Variants in ZNF536 observed in about 807,000 individuals in gnomAD.
ZNF536 encodes zinc finger protein 536.
Under a neutral mutation model 84.5 loss-of-function variants are expected in ZNF536, and 13 were observed. The ratio of observed to expected loss-of-function variants is 0.15; its 90% confidence interval spans 0.10 to 0.24. The LOEUF is 0.24. Among genes scored for constraint, ZNF536 ranks in the 10% least tolerant of loss-of-function variants. The pLI is 1.00. For missense variants in ZNF536, 1,536 were observed against 1,747.5 expected (o/e 0.88, Z 2.16); for synonymous variants, 811 against 742.5 (o/e 1.09, Z -1.50).
chr19:30,363,895 C>A (rs2146920668), intron 3 of ZNF536, among the ~76,000 whole-genome samples: 1 of 152,124 alleles, frequency 6.6e-6, no homozygotes, highest in East Asian at 1.9e-4. Flanking sequence ...TTGCAGAAGG[C>A]AGGGGTTTGT....
At position 30,470,586 on chromosome 19, in the gene ZNF536, C is replaced by G. The variant is rs115989899; in HGVS notation, c.2170+24854C>G. Reference sequence around the variant, plus strand: ...TATGCCTCCGACCCCACACCTCCCCCACTAATGGACAACCTGTGATAGTTT... The same window carrying G: ...TATGCCTCCGACCCCACACCTCCCCGACTAATGGACAACCTGTGATAGTTT... On this transcript the variant is annotated intron_variant, in intron 2 of 4. Transcript: ENST00000355537. Among the ~76,000 whole-genome samples the G allele has an allele frequency of 3.3e-5, 5 of 152,124 alleles. No individual in the cohort carries two copies. In the East Asian group the frequency reaches 5.8e-4, roughly 18 times the overall value.
chr19:30,620,289 G>A (rs2048437185), intron 1 of ZNF536, among the ~76,000 whole-genome samples: 3 of 151,940 alleles, frequency 2.0e-5, no homozygotes, highest in Non-Finnish European at 2.9e-5. Flanking sequence ...TAAAATAAAG[G>A]TTCTGGGTCT....
At chr19:30,350,058 T>C (rs1194199793) in intron 2 of ZNF536, among the ~76,000 whole-genome samples, 1 of 152,154 alleles carries the variant, frequency 6.6e-6, no homozygotes, top group East Asian at 1.9e-4. Flanking sequence ...GGTATATCAT[T>C]AGAAAGTCTG....
At chr19:30,627,166 C>T (rs575829114) in intron 1 of ZNF536, among the ~76,000 whole-genome samples, 35 of 152,086 alleles carry the variant, frequency 2.3e-4, no homozygotes, top group Admixed American at 8.5e-4. Flanking sequence ...TAGGTACCAA[C>T]GGAGGACATG....
chr19:30,369,085 G>A (rs1012785508), upstream of ZNF536, among the ~76,000 whole-genome samples: 23 of 152,254 alleles, frequency 1.5e-4, no homozygotes, highest in African/African-American at 5.3e-4. Context: ...ACACTACCTT[G>A]CTTGCCTTTG....
At chr19:30,335,961 A>G (rs1021772733) in intron 2 of ZNF536, among the ~76,000 whole-genome samples, 1 of 152,048 alleles carries the variant, frequency 6.6e-6, no homozygotes, top group African/African-American at 2.4e-5. Context: ...GTAACCTCCC[A>G]TTCCTCAGAT....
intron 2 of ZNF536, among the ~76,000 whole-genome samples, chr19:30,307,152 A>G (rs943011802): frequency 6.6e-6 from 1 of 151,992 alleles, no homozygotes; most frequent in Admixed American, 6.6e-5. Flanking sequence ...ATGAATTTGG[A>G]TTTGGGTTTC....
At chr19:30,369,091 C>T (rs2048530170), upstream of ZNF536, among the ~76,000 whole-genome samples, 1 of 152,192 alleles carries the variant, frequency 6.6e-6, no homozygotes, top group South Asian at 2.1e-4. Context: ...CCTTGCTTGC[C>T]TTTGCTCTTT....
intron 1 of ZNF536, among the ~76,000 whole-genome samples, chr19:30,659,101 A>G (rs2050023147): frequency 1.3e-5 from 2 of 152,118 alleles, no homozygotes; most frequent in Admixed American, 6.6e-5. Flanking sequence ...GCTGGTGGTG[A>G]TGCAGTGTAT....
chr19:30,446,377 A>C (rs2052348110), intron 2 of ZNF536, among the ~76,000 whole-genome samples: 1 of 150,880 alleles, frequency 6.6e-6, no homozygotes, highest in African/African-American at 2.4e-5. Flanking sequence ...GTCCAACCCC[A>C]TTTCACCGCC....
chr19:30,355,542 C>T (rs907521378), intron 3 of ZNF536, among the ~76,000 whole-genome samples: 16 of 151,974 alleles, frequency 1.1e-4, no homozygotes, highest in Admixed American at 2.6e-4. Context: ...TGCCTCCCAC[C>T]GTGCCTCGCT....
chr19:30,677,573 G>A (rs1415866539), intron 1 of ZNF536, among the ~76,000 whole-genome samples: 1 of 152,338 alleles, frequency 6.6e-6, no homozygotes, highest in Non-Finnish European at 1.5e-5. Flanking sequence ...AATGTCCCCC[G>A]GGGACACAGG....
At chr19:30,406,521 A>G (rs530327123) in intron 1 of ZNF536, among the ~76,000 whole-genome samples, 19 of 152,358 alleles carry the variant, frequency 1.2e-4, no homozygotes, top group African/African-American at 4.6e-4. Context: ...TTGTAGGGCT[A>G]TAAATACCTG....
At chr19:30,367,710 G>A (rs184657055), upstream of ZNF536, among the ~76,000 whole-genome samples, 75 of 152,330 alleles carry the variant, frequency 4.9e-4, no homozygotes, top group Admixed American at 2.0e-3. Flanking sequence ...TGACAGCAGC[G>A]CAGTGAGACA....
chr19:30,299,353 A>G (rs984849660), intron 2 of ZNF536, among the ~76,000 whole-genome samples: 2 of 152,214 alleles, frequency 1.3e-5, no homozygotes, highest in South Asian at 2.1e-4. Context: ...TTATATTCAC[A>G]TCTACCATCA....
At chr19:30,675,119 T>C (rs1027066485) in intron 1 of ZNF536, among the ~76,000 whole-genome samples, 1 of 152,170 alleles carries the variant, frequency 6.6e-6, no homozygotes, top group African/African-American at 2.4e-5. Context: ...TAGCTATCTA[T>C]AGGACAGTGC....
At chr19:30,690,404 GT>G (rs2051361242) in intron 1 of ZNF536, among the ~76,000 whole-genome samples, 1 of 152,190 alleles carries the variant, frequency 6.6e-6, no homozygotes, top group African/African-American at 2.4e-5. Context: ...CTGGCGATGA[GT>G]TTGGTAAGGA....
chr19:30,700,576 G>A (rs748481252), intron 1 of ZNF536, among the ~76,000 whole-genome samples: 3 of 152,036 alleles, frequency 2.0e-5, no homozygotes, highest in Non-Finnish European at 4.4e-5. Flanking sequence ...TTGTAGGGAT[G>A]AGGGCTTATT....
At chr19:30,564,394 G>A (rs982420611) in intron 1 of ZNF536, among the ~76,000 whole-genome samples, 1 of 152,166 alleles carries the variant, frequency 6.6e-6, no homozygotes, top group African/African-American at 2.4e-5. Flanking sequence ...GGAGAGGAAA[G>A]AGTGGAAGAA....
Sources: allele counts gnomAD v4.1 joint callset (sites outside exome capture counted in the v4.1 genomes callset), GRCh38; gene constraint gnomAD v4.1.1; transcripts MANE v1.5; gene names NCBI Gene and HGNC (gene_info 2026-07-23, HGNC 2026-07-21).